The following MID1 variants were observed in gnomAD, a reference collection of about 807,000 sequenced individuals.
MID1 encodes E3 ubiquitin-protein ligase Midline-1.
Under a neutral mutation model 40.4 loss-of-function variants are expected in MID1, and 7 were observed. The observed-to-expected ratio is 0.17, with a 90% CI of 0.10 to 0.33. The LOEUF is 0.33. Ranked by LOEUF, MID1 falls within the 10% of genes least tolerant of loss-of-function variation. The pLI is 1.00. For synonymous variants in MID1, 229 were observed against 221.2 expected, an observed-to-expected ratio of 1.04 and a Z score of -0.31; for missense variants, 367 against 558.5, an observed-to-expected ratio of 0.66 and a Z score of 3.46.
intron 1 of MID1, among the ~76,000 whole-genome samples, chrX:10,795,475 G>T (rs2043961193): frequency 8.9e-6 from 1 of 111,942 alleles, no homozygotes; most frequent in African/African-American, 3.2e-5. Context: ...ATTCATCATA[G>T]AATTTTATGC....
chrX:10,486,156 A>G (rs1204842273), intron 4 of MID1, among the ~76,000 whole-genome samples: 1 of 112,315 alleles, frequency 8.9e-6, no homozygotes, highest in Non-Finnish European at 1.9e-5. Context: ...ATGGTCCAAG[A>G]GCAGGAATCA....
upstream of MID1, among the ~76,000 whole-genome samples, chrX:10,624,295 T>C (rs1463842281): frequency 8.9e-6 from 1 of 111,832 alleles, no homozygotes; most frequent in African/African-American, 3.3e-5. Context: ...GCAATCGCTA[T>C]TGCTTGTTGT....
chrX:10,593,801 ACAC>A (rs1195209311), intron 1 of MID1, among the ~76,000 whole-genome samples: 4 of 107,118 alleles, frequency 3.7e-5, no homozygotes, highest in Non-Finnish European at 5.8e-5. Flanking sequence ...ACACACACAC[ACAC>A]CACTTTTTCT....
chrX:10,640,392 C>T (rs948929198), intron 1 of MID1, among the ~76,000 whole-genome samples: 2 of 110,705 alleles, frequency 1.8e-5, no homozygotes, highest in African/African-American at 6.6e-5. Context: ...AGACTTTAAA[C>T]CAACAAACAT....
At chrX:10,609,879 G>A (rs950425506) in intron 1 of MID1, among the ~76,000 whole-genome samples, 2 of 110,088 alleles carry the variant, frequency 1.8e-5, no homozygotes, top group Non-Finnish European at 3.8e-5. Context: ...CACCATGCCC[G>A]GCTAATTTTT....
chrX:10,705,479 G>A (rs185510481), intron 1 of MID1, among the ~76,000 whole-genome samples: 1 of 112,123 alleles, frequency 8.9e-6, no homozygotes, highest in Non-Finnish European at 1.9e-5. Flanking sequence ...GTTCTACTCC[G>A]TAAATATTGT....
intron 1 of MID1, among the ~76,000 whole-genome samples, chrX:10,833,348 G>A (rs1010783118): frequency 8.9e-6 from 1 of 112,051 alleles, no homozygotes; most frequent in Non-Finnish European, 1.9e-5. Flanking sequence ...AATGTCTAAA[G>A]TGCTAAAAAT....
intron 7 of MID1, among the ~76,000 whole-genome samples, chrX:10,465,621 G>T (rs2147275357): frequency 9.0e-6 from 1 of 111,481 alleles, no homozygotes; most frequent in East Asian, 2.8e-4. Context: ...TTTAAAGACA[G>T]GTTTGGAGGT....
At chrX:10,458,234 T>C (rs1928802937) in intron 8 of MID1, among the ~76,000 whole-genome samples, 1 of 112,341 alleles carries the variant, frequency 8.9e-6, no homozygotes, top group Non-Finnish European at 1.9e-5. Context: ...ATTTGTTGTA[T>C]GACTGTAAAG....
chrX:10,565,434 G>A, intron 2 of MID1: 1 of 331,227 alleles, frequency 3.0e-6, no homozygotes, highest in Non-Finnish European at 5.9e-6. Flanking sequence ...AAACTATGTG[G>A]TCCCAGTAAA....
intron 4 of MID1, among the ~76,000 whole-genome samples, chrX:10,485,964 G>C (rs1211981254): frequency 8.9e-6 from 1 of 111,969 alleles, no homozygotes; most frequent in African/African-American, 3.2e-5. Context: ...ATAGATCTCT[G>C]TGTCTGAACA....
intron 9 of MID1, among the ~76,000 whole-genome samples, chrX:10,450,038 A>G (rs771301651): frequency 8.9e-6 from 1 of 112,345 alleles, no homozygotes; most frequent in East Asian, 2.8e-4. Flanking sequence ...TACACAATGA[A>G]TTCGCTAGAC....
At chrX:10,767,684 G>A (rs1452270605) in intron 1 of MID1, among the ~76,000 whole-genome samples, 2 of 111,592 alleles carry the variant, frequency 1.8e-5, no homozygotes, top group Non-Finnish European at 3.8e-5. Flanking sequence ...AATATAACAG[G>A]ATTTTACTGT....
At chrX:10,684,609 C>T (rs1055234918) in intron 1 of MID1, among the ~76,000 whole-genome samples, 15 of 107,731 alleles carry the variant, frequency 1.4e-4, no homozygotes, top group African/African-American at 5.1e-4. Flanking sequence ...TGGGGTTTCA[C>T]CATGTTTACC....
chrX:10,703,586 G>A (rs953757698), intron 1 of MID1, among the ~76,000 whole-genome samples: 2 of 111,649 alleles, frequency 1.8e-5, no homozygotes, highest in African/African-American at 6.5e-5. Flanking sequence ...AGAATTGCTT[G>A]AACCCGGGAG....
intron 1 of MID1, among the ~76,000 whole-genome samples, chrX:10,666,846 T>C (rs954048006): frequency 1.3e-4 from 14 of 111,791 alleles, no homozygotes; most frequent in African/African-American, 4.6e-4. Flanking sequence ...GTTTCCACTA[T>C]GGATGGATAG....
chrX:10,718,507 A>T (rs775265451), intron 1 of MID1, among the ~76,000 whole-genome samples: 20 of 111,970 alleles, frequency 1.8e-4, no homozygotes, highest in African/African-American at 5.8e-4. Context: ...GAAGAAGTTG[A>T]ATCTCTGAAT....
chrX:10,665,111 C>A (rs140436486), intron 1 of MID1, among the ~76,000 whole-genome samples: 1,226 of 112,008 alleles, frequency 0.011, 11 homozygotes, highest in South Asian at 0.038. Context: ...AGTAGTGCAA[C>A]AATATGAGAT....
At chrX:10,684,554 C>T (rs1174331426) in intron 1 of MID1, among the ~76,000 whole-genome samples, 1 of 108,841 alleles carries the variant, frequency 9.2e-6, no homozygotes, top group Non-Finnish European at 1.9e-5. Context: ...CAGGCGTGTG[C>T]CACCATGCCG....
Sources: allele counts gnomAD v4.1 joint callset (sites outside exome capture counted in the v4.1 genomes callset), GRCh38; gene constraint gnomAD v4.1.1; transcripts MANE v1.5; gene names NCBI Gene and HGNC (gene_info 2026-07-23, HGNC 2026-07-21).